NUP214: variants seen among roughly 807,000 people sequenced by gnomAD.
NUP214 encodes the protein nuclear pore complex protein Nup214.
In NUP214, 79 loss-of-function variants were observed where a neutral mutation model predicts 196.2. The observed-to-expected ratio is 0.40, with a 90% CI of 0.34 to 0.49. The LOEUF is 0.49. NUP214 is among the 20% of genes least tolerant of loss of function. NUP214 has a pLI of 0.58. For missense variants in NUP214, 2,468 were observed against 2,539.0 expected, an observed-to-expected ratio of 0.97 and a Z score of 0.60; for synonymous variants, 1,020 against 990.5, an observed-to-expected ratio of 1.03 and a Z score of -0.56.
intron 11 of NUP214, among the ~76,000 whole-genome samples, chr9:131,141,008 T>A (rs1009885456): frequency 6.6e-6 from 1 of 152,178 alleles, no homozygotes; most frequent in Non-Finnish European, 1.5e-5. Flanking sequence ...GTGATGTGCA[T>A]CCAAAAGACA....
At chr9:131,177,620 C>G (rs1253315173) in intron 23 of NUP214, among the ~76,000 whole-genome samples, 1 of 152,094 alleles carries the variant, frequency 6.6e-6, no homozygotes, top group Non-Finnish European at 1.5e-5. Flanking sequence ...ACCACTTTCA[C>G]CTTGGCCAGT....
Position 131,133,137 on chromosome 9 carries a change from C to T in NUP214, c.759C>T (p.Val253=), listed in dbSNP as rs145928445. Reference sequence around the variant, plus strand: ...ATGTGCTGTGGATTGGTACCTACGTCTTCGCCATAGTGTATGCTGCTGCAG... The same window carrying T: ...ATGTGCTGTGGATTGGTACCTACGTTTTCGCCATAGTGTATGCTGCTGCAG... ...VLDVLWIGTY[V]FAIVYAAADG... The change falls in exon 7 of 36, where the codon GTC becomes GTT. Residue 253 remains valine (V), a synonymous_variant. Coordinates refer to ENST00000359428, the MANE Select transcript of NUP214 (RefSeq NM_005085.4). The T allele has an allele frequency of 4.0e-5, 65 of 1,610,772 alleles. No homozygotes were observed. In the African/African-American group the frequency reaches 8.4e-4, roughly 21 times the overall value.
At chr9:131,191,506 G>T (rs1833601527) in intron 26 of NUP214, 1 of 152,264 alleles carries the variant, frequency 6.6e-6, no homozygotes, top group Admixed American at 6.5e-5. Context: ...GTAGGGAAAA[G>T]ATTGAAGATT....
chr9:131,206,847 A>T (rs1834101505), intron 30 of NUP214, among the ~76,000 whole-genome samples: 1 of 152,250 alleles, frequency 6.6e-6, no homozygotes, highest in South Asian at 2.1e-4. Context: ...CATCACTGTG[A>T]TAAACTCCAT....
In NUP214 at chr9:131,174,062, G is replaced by T; in HGVS notation, c.2901G>T (p.Leu967=). The T allele has an allele frequency of 6.2e-7, 1 of 1,612,614 alleles. No homozygotes were observed. Among genetic ancestry groups the T allele is most frequent in the Non-Finnish European group, 8.5e-7 (1 of 1,179,554 alleles). ...PPVRSTAPAS[L]SRSAFLSQRY... ...TGTTTGGGGCTTTTGTAGCCAGCCT[G>T]TCTCGATCAGCCTTTCTGTCTCAGA... Residue 967 remains leucine (L), a synonymous_variant, in exon 22 of 36, where the codon CTG becomes CTT. Transcript: ENST00000359428.
intron 8 of NUP214, chr9:131,135,233 A>C (rs746522445): frequency 1.8e-5 from 8 of 457,112 alleles, no homozygotes; most frequent in Non-Finnish European, 3.1e-5. Context: ...CTACAAGCAC[A>C]TGCCACCACA....
chr9:131,202,544 T>G (rs1833968431), intron 30 of NUP214, among the ~76,000 whole-genome samples: 2 of 152,030 alleles, frequency 1.3e-5, no homozygotes, highest in Admixed American at 6.5e-5. Context: ...CCACCTCAGT[T>G]TCCCAAGTAG....
At chr9:131,190,451 G>T (rs751993251) in intron 26 of NUP214, 1 of 692,444 alleles carries the variant, frequency 1.4e-6, no homozygotes, top group South Asian at 1.5e-5. Context: ...CTTTTGTTAC[G>T]AGGTGTTCAC....
At position 131,197,626 on chromosome 9, in the gene NUP214, C is replaced by CCT; in HGVS notation, c.4133_4134insTC (p.Val1379ArgfsTer3). 6.2e-7 allele frequency: 1 copy of CCT among 1,614,158 alleles called. No homozygotes were observed. The highest frequency in any genetic ancestry group is 8.5e-7 in the Non-Finnish European group (1 of 1,180,032). On this transcript the variant is annotated frameshift_variant, in exon 29 of 36. Transcript: ENST00000359428. LOFTEE classifies it high-confidence loss of function. ...CTCAGGGTTTAATTTTACTGCCCCC[C>CCT]CGGTGTTAGGGAAGCACACGGAGCC...
intron 30 of NUP214, among the ~76,000 whole-genome samples, chr9:131,203,118 T>C (rs1346040330): frequency 6.6e-6 from 1 of 151,976 alleles, no homozygotes; most frequent in African/African-American, 2.4e-5. Flanking sequence ...GCTAATTTTT[T>C]GTATTTTTAG....
rs1406228809 is a variant in NUP214 at position 131,198,038 on chromosome 9, C to T, written c.4544C>T (p.Ala1515Val). Reference sequence around the variant, plus strand: ...GACAGTGAGGTCTCAGCATCAGCAGCCTCACTTCTAGAGGAGCAACAGTCA... The same window carrying T: ...GACAGTGAGGTCTCAGCATCAGCAGTCTCACTTCTAGAGGAGCAACAGTCA... ...PGDSEVSASAASLLEEQQSAQ... is the reference protein window; with the variant it reads ...PGDSEVSASAVSLLEEQQSAQ... The change falls in exon 29 of 36, where the codon GCC (alanine) becomes GTC (valine). Residue 1515 changes from alanine to valine, a missense_variant. Transcript: ENST00000359428. 1.9e-6 allele frequency: 3 copies of T among 1,614,124 alleles called. No homozygotes were observed. The highest frequency in any genetic ancestry group is 1.7e-6 in the Non-Finnish European group (2 of 1,180,044).
chr9:131,223,569 T>C (rs1452498657), intron 32 of NUP214, among the ~76,000 whole-genome samples: 1 of 151,750 alleles, frequency 6.6e-6, no homozygotes, highest in African/African-American at 2.4e-5. Context: ...AAGGAAATGA[T>C]AACTGAAGTA....
rs1161478302 is a variant in NUP214 at position 131,144,725 on chromosome 9, C to A, written c.1740C>A (p.Thr580=). ...IAMKPSFPPS[T]SAVKVNLSEK... is the part of the protein sequence containing the mutation. ...TGAAGCCCTCCTTCCCACCCTCAAC[C>A]TCTGCTGTCAAAGTCAACCTTAGTG... The change falls in exon 12 of 36, where the codon ACC becomes ACA. Residue 580 remains threonine (T), a synonymous_variant. Coordinates refer to ENST00000359428, the MANE Select transcript of NUP214 (RefSeq NM_005085.4). 3 of 1,610,452 alleles carry A rather than the reference C, an allele frequency of 1.9e-6. No individual in the cohort carries two copies.
chr9:131,228,682 A>C (rs576887862), intron 33 of NUP214: 1 of 188,824 alleles, frequency 5.3e-6, no homozygotes, highest in African/African-American at 2.3e-5. Flanking sequence ...TCTGTTAGGA[A>C]GTCCTCAATG....
rs1228683369 is a variant in NUP214, at chr9:131,233,885, G to A, written c.*398G>A. 1.5e-5 allele frequency: 5 copies of A among 327,636 alleles called. No individual in the cohort carries two copies. The highest frequency in any genetic ancestry group is 4.0e-5 in the South Asian group (1 of 25,156). 20.3% of individuals were successfully genotyped at this position (327,636 alleles called of 1,614,324 possible). A position where few individuals can be genotyped will look rare whatever the true frequency, so the allele number is the denominator to read the frequency against. ...TGCCGTGGTCTCACTTGGACCTAGC[G>A]CCCTCCACATAGGGAAGAGGTTGAA... On this transcript the variant is annotated 3_prime_UTR_variant, in exon 36 of 36. Coordinates refer to ENST00000359428, the MANE Select transcript of NUP214 (RefSeq NM_005085.4).
At chr9:131,173,368 T>C (rs1470401262) in intron 21 of NUP214, among the ~76,000 whole-genome samples, 16 of 145,254 alleles carry the variant, frequency 1.1e-4, no homozygotes, top group Non-Finnish European at 2.4e-4. Context: ...TTTTTTTTTT[T>C]TTTTTTTTTT....
intron 32 of NUP214, among the ~76,000 whole-genome samples, chr9:131,226,194 G>A (rs1366661227): frequency 1.3e-5 from 2 of 152,196 alleles, no homozygotes; most frequent in African/African-American, 4.8e-5. Context: ...GAAAACTGCT[G>A]TGAAGCACCT....
intron 32 of NUP214, 100 bp downstream of exon 32, chr9:131,223,030 G>T: frequency 8.6e-7 from 1 of 1,162,244 alleles, no homozygotes; most frequent in Non-Finnish European, 1.2e-6. Context: ...TCTTAAGAGA[G>T]TAGGATTGGA....
At chr9:131,216,092 AG>A (rs1176969490) in intron 31 of NUP214, among the ~76,000 whole-genome samples, 2 of 151,266 alleles carry the variant, frequency 1.3e-5, no homozygotes, top group African/African-American at 4.9e-5. Context: ...TAGTAGAGAC[AG>A]GGTTTCACCA....
Sources: allele counts gnomAD v4.1 joint callset (sites outside exome capture counted in the v4.1 genomes callset), GRCh38; gene constraint gnomAD v4.1.1; transcripts MANE v1.5; gene names NCBI Gene and HGNC (gene_info 2026-07-23, HGNC 2026-07-21).